The following PIK3CA variants were observed in gnomAD, a reference collection of about 807,000 sequenced individuals.
The protein encoded by PIK3CA is phosphatidylinositol 4,5-bisphosphate 3-kinase catalytic subunit alpha isoform.
A neutral mutation model predicts 138.2 loss-of-function variants in PIK3CA; 27 were observed. That is an observed-to-expected ratio of 0.20 (90% CI 0.14 to 0.27). PIK3CA has a LOEUF of 0.27. Among genes scored for constraint, PIK3CA ranks in the 10% least tolerant of loss-of-function variants. The pLI, the probability that PIK3CA is intolerant of heterozygous loss-of-function variation, is 1.00. For missense variants in PIK3CA, 544 were observed against 1,277.4 expected (o/e 0.43, Z 8.75); for synonymous variants, 358 against 413.2 (o/e 0.87, Z 1.62).
chr3:179,177,944 A>G lies in PIK3CA; in HGVS notation c.-76-20806A>G, dbSNP rs538769319. Among the ~76,000 whole-genome samples the G allele has an allele frequency of 4.6e-5, 7 of 152,252 alleles. No individual in the cohort carries two copies. In the East Asian group the frequency reaches 1.4e-3, roughly 29 times the overall value. ...ATTAAAGATGTGTATCAGAATATAT[A>G]AAGAACCTCTGAAGGCCAGGTGTGG... On this transcript the variant is annotated intron_variant, in intron 1 of 20. Transcript: ENST00000263967.
intron 14 of PIK3CA, 85 bp downstream of exon 14, chr3:179,221,242 G>A: frequency 2.4e-6 from 2 of 842,344 alleles, no homozygotes; most frequent in Admixed American, 2.2e-5. Flanking sequence ...TACAGATCAT[G>A]GTCCTTGGAA....
At position 179,168,094 on chromosome 3, in the gene PIK3CA, C is replaced by T. The variant is rs150704011; in HGVS notation, c.-77+19491C>T. On this transcript the variant is annotated intron_variant, in intron 1 of 20. Coordinates refer to ENST00000263967, the MANE Select transcript of PIK3CA (RefSeq NM_006218.4). ...CTGCTTTTTCTTAATGATTTGTTTA[C>T]GTTATTTGACCACTGGTTCAGTTCC... is the stretch of plus-strand genomic sequence containing the variant. Among the ~76,000 whole-genome samples the T allele has an allele frequency of 8.5e-5, 13 of 152,190 alleles. No homozygotes were observed. The East Asian group carries it at 1.7e-3, about 20-fold the overall frequency.
intron 1 of PIK3CA, among the ~76,000 whole-genome samples, chr3:179,163,748 A>G (rs975110716): frequency 2.0e-5 from 3 of 152,174 alleles, no homozygotes; most frequent in African/African-American, 7.2e-5. Flanking sequence ...TTTTTCCCTG[A>G]CAGGTAATTG....
At chr3:179,202,602 T>G (rs1330526558) in intron 4 of PIK3CA, among the ~76,000 whole-genome samples, 1 of 152,242 alleles carries the variant, frequency 6.6e-6, no homozygotes, top group Non-Finnish European at 1.5e-5. Flanking sequence ...TTGCTTATTT[T>G]CTAGTGGGGC....
chr3:179,195,658 T>C (rs1446006815), intron 1 of PIK3CA, among the ~76,000 whole-genome samples: 1 of 152,204 alleles, frequency 6.6e-6, no homozygotes, highest in Non-Finnish European at 1.5e-5. Context: ...GAAGTCCAAA[T>C]AACAGCATGG....
chr3:179,199,288 C>A (rs145375250), intron 2 of PIK3CA, 111 bp downstream of exon 2: 1 of 640,898 alleles, frequency 1.6e-6, no homozygotes, highest in Non-Finnish European at 2.5e-6. Flanking sequence ...AAATAGCTTT[C>A]TAAATAAAAA....
At chr3:179,184,213 C>G (rs7640662) in intron 1 of PIK3CA, among the ~76,000 whole-genome samples, 15,276 of 152,292 alleles carry the variant, frequency 0.1, 982 homozygotes, top group Non-Finnish European at 0.15. Context: ...ACACCTTCTC[C>G]TTAGCCTATA....
At chr3:179,227,979 A>G (rs966239631) in intron 17 of PIK3CA, among the ~76,000 whole-genome samples, 1 of 150,694 alleles carries the variant, frequency 6.6e-6, no homozygotes, top group Non-Finnish European at 1.5e-5. Context: ...TGCTGTTTTT[A>G]TGGAACACGA....
intron 6 of PIK3CA, among the ~76,000 whole-genome samples, chr3:179,205,953 A>G (rs543811254): frequency 3.9e-5 from 6 of 152,278 alleles, no homozygotes; most frequent in Admixed American, 3.9e-4. Flanking sequence ...AGCCTAGGTA[A>G]GGTTAAAAGA....
At chr3:179,204,378 G>GA (rs1560139795) in intron 5 of PIK3CA, 125 bp from the exon 6 acceptor site, 12 of 514,836 alleles carry the variant, frequency 2.3e-5, no homozygotes, top group Non-Finnish European at 3.3e-5. Context: ...TTACATATGT[G>GA]AAAAAAAGGA....
intron 17 of PIK3CA, among the ~76,000 whole-genome samples, chr3:179,228,745 T>TA (rs1325870288): frequency 6.6e-6 from 1 of 152,104 alleles, no homozygotes; most frequent in East Asian, 1.9e-4. Flanking sequence ...ATGTTACTTA[T>TA]ATTAACATGT....
At chr3:179,190,538 T>G (rs562839742) in intron 1 of PIK3CA, among the ~76,000 whole-genome samples, 10 of 152,324 alleles carry the variant, frequency 6.6e-5, no homozygotes, top group African/African-American at 2.4e-4. Context: ...CAGATTTGAA[T>G]CATGTTGTTT....
intron 1 of PIK3CA, among the ~76,000 whole-genome samples, chr3:179,164,697 C>T (rs1396986742): frequency 1.3e-5 from 2 of 151,866 alleles, no homozygotes; most frequent in Non-Finnish European, 1.5e-5. Context: ...GGCAAAACCC[C>T]GTCTCTACTA....
At chr3:179,166,633 TA>T (rs1217664890) in intron 1 of PIK3CA, among the ~76,000 whole-genome samples, 1 of 152,224 alleles carries the variant, frequency 6.6e-6, no homozygotes, top group Admixed American at 6.5e-5. Context: ...TGTCTACAAA[TA>T]TTTGTTTAAT....
intron 1 of PIK3CA, among the ~76,000 whole-genome samples, chr3:179,190,307 A>ACCCCCCCC (rs61660360): frequency 7.7e-6 from 1 of 129,626 alleles, no homozygotes; most frequent in Non-Finnish European, 1.7e-5. Flanking sequence ...TATATAGTGC[A>ACCCCCCCC]CCCCCCCCAC....
chr3:179,201,479 T>C lies in PIK3CA; in HGVS notation c.752T>C (p.Ile251Thr), dbSNP rs2108389989. The change falls in exon 4 of 21, where the codon ATT becomes ACT. Residue 251 changes from isoleucine to threonine, a missense_variant. Physicochemically the swap from Ile to Thr is moderately conservative, Grantham distance 89. Coordinates refer to ENST00000263967, the MANE Select transcript of PIK3CA (RefSeq NM_006218.4). The part of the protein sequence containing the change: ...LCVLEYQGKY[I>T]LKVCGCDEYF... ...GTTTTAGAATATCAGGGCAAGTATA[T>C]TTTAAAAGTGTGTGGATGTGATGAA... The C allele has an allele frequency of 6.2e-7, 1 of 1,612,304 alleles. No individual in the cohort carries two copies. Among genetic ancestry groups the C allele is most frequent in the Non-Finnish European group, 8.5e-7 (1 of 1,178,428 alleles).
At chr3:179,178,360 G>GAT (rs1193933023) in intron 1 of PIK3CA, among the ~76,000 whole-genome samples, 3 of 149,826 alleles carry the variant, frequency 2.0e-5, no homozygotes, top group Non-Finnish European at 4.4e-5. Flanking sequence ...TTTCACAGAA[G>GAT]ATATACAAAT....
chr3:179,192,032 A>G (rs895705917), intron 1 of PIK3CA, among the ~76,000 whole-genome samples: 11 of 152,374 alleles, frequency 7.2e-5, no homozygotes, highest in Non-Finnish European at 1.6e-4. Flanking sequence ...TAAAGTAGTT[A>G]AGCCAGAAAA....
rs1724489734 is a variant in PIK3CA, at chr3:179,203,934, A to G, written c.1059+145A>G. Reference sequence around the variant, plus strand: ...AATCTCCGAATGTAAAAATATATCAAGAATTTTACTTGAGCTTCCATCTAC... The same window carrying G: ...AATCTCCGAATGTAAAAATATATCAGGAATTTTACTTGAGCTTCCATCTAC... On this transcript the variant is annotated intron_variant, in intron 5 of 20. Transcript: ENST00000263967. 1.0e-5 allele frequency: 6 copies of G among 596,980 alleles called. No individual in the cohort carries two copies. In the Admixed American group the frequency reaches 1.9e-4, roughly 19 times the overall value. The allele number at this position is 596,980 out of a possible 1,614,324, so 37.0% of individuals were successfully genotyped here.
Sources: gnomAD v4.1 joint callset for allele counts (sites outside exome capture counted in the v4.1 genomes callset) on GRCh38, gnomAD v4.1.1 for gene constraint, MANE v1.5 for transcripts, NCBI Gene and HGNC (gene_info 2026-07-23, HGNC 2026-07-21) for gene names.